The following WDR46 variants were observed in gnomAD, a reference collection of about 807,000 sequenced individuals.
The protein encoded by WDR46 is WD repeat-containing protein 46.
Under a neutral mutation model 74.7 loss-of-function variants are expected in WDR46, and 58 were observed. That is an observed-to-expected ratio of 0.78 (90% CI 0.63 to 0.97). The LOEUF is 0.97. WDR46 is among the 50% of genes least tolerant of loss of function. The probability of loss-of-function intolerance (pLI) is 0.00; values close to 1 mark genes in which losing one functional copy is unlikely to be tolerated. For synonymous variants in WDR46, 278 were observed against 297.3 expected (o/e 0.93, Z 0.67); for missense variants, 702 against 790.1 (o/e 0.89, Z 1.34).
Position 33,282,182 on chromosome 6 carries a change from G to C in WDR46, c.1116-1195C>G, listed in dbSNP as rs370556757. Among the ~76,000 whole-genome samples the C allele has an allele frequency of 3.1e-4, 47 of 152,328 alleles. 1 individual carries two copies. The highest frequency in any genetic ancestry group is 3.4e-3 in the Middle Eastern group (1 of 294). On this transcript the variant is annotated intron_variant, in intron 10 of 14. Coordinates refer to ENST00000374617, the MANE Select transcript of WDR46 (RefSeq NM_005452.6). ...CCAGCCAGGTAGGGGATGTATGTTT[G>C]CCAAGAGGCCAAGGAGTCTCTTTTT...
intron 10 of WDR46, 74 bp downstream of exon 10, chr6:33,286,721 T>C (rs1766669779): frequency 1.4e-6 from 2 of 1,421,274 alleles, no homozygotes; most frequent in Middle Eastern, 1.8e-4. Context: ...GACTCTGTGC[T>C]CCTAAAGCAC....
In WDR46 at chr6:33,289,004, G is replaced by A. The variant is rs1767002896; in HGVS notation, c.79C>T (p.Arg27Ter). Residue 27 changes from arginine (R) to a stop codon, truncating the protein, a stop_gained, in exon 2 of 15, where the codon CGA becomes TGA. Coordinates refer to ENST00000374617, the MANE Select transcript of WDR46 (RefSeq NM_005452.6). LOFTEE classifies it high-confidence loss of function. ...KLQTKRKKPR[R>*]YWEEETVPTT... is the part of the protein sequence containing the mutation. ...GGAACGGTCTCTTCCTCCCAGTATC[G>A]CCGCGGTTTCTACAGGCACATCAGG... 1 of 1,613,922 alleles carries A rather than the reference G, an allele frequency of 6.2e-7. No individual in the cohort carries two copies. Among genetic ancestry groups the A allele is most frequent in the Non-Finnish European group, 8.5e-7 (1 of 1,179,980 alleles).
At chr6:33,284,969 T>G (rs1274638037) in intron 10 of WDR46, 1 of 153,614 alleles carries the variant, frequency 6.5e-6, no homozygotes, top group African/African-American at 2.4e-5. Flanking sequence ...TCGTAAGTGC[T>G]TCACAGCATT....
At chr6:33,286,689 A>T in intron 10 of WDR46, 106 bp downstream of exon 10, 1 of 1,079,204 alleles carries the variant, frequency 9.3e-7, no homozygotes, top group Non-Finnish European at 1.4e-6. Context: ...ACTGCGATTT[A>T]AACCTGGGCA....
chr6:33,280,313 AG>A, intron 12 of WDR46, 114 bp downstream of exon 12: 3 of 1,074,552 alleles, frequency 2.8e-6, no homozygotes, highest in African/African-American at 1.6e-5. Context: ...CTTCTCCAGC[AG>A]GGGGGAACCT....
chr6:33,279,167 C>T lies in WDR46; in HGVS notation c.*109G>A, dbSNP rs1201776188. ...ACCCCAGGAGACAGCTGTCCACCCC[C>T]AGTTGGGGAAGGGGCCACACTGCCC... On this transcript the variant is annotated 3_prime_UTR_variant, in exon 15 of 15. Coordinates refer to ENST00000374617, the MANE Select transcript of WDR46 (RefSeq NM_005452.6). The T allele has an allele frequency of 1.4e-6, 2 of 1,476,842 alleles. No individual in the cohort carries two copies. Among genetic ancestry groups the T allele is most frequent in the East Asian group, 4.6e-5 (2 of 43,936 alleles). 91.5% of individuals were successfully genotyped at this position (1,476,842 alleles called of 1,614,324 possible). A position where few individuals can be genotyped will look rare whatever the true frequency, so the allele number is the denominator to read the frequency against.
chr6:33,281,772 G>A (rs144336500), intron 10 of WDR46, among the ~76,000 whole-genome samples: 22 of 152,324 alleles, frequency 1.4e-4, no homozygotes, highest in Non-Finnish European at 2.6e-4. Context: ...AAGGAGGGAA[G>A]GTTGGTGACC....
chr6:33,279,231 G>A lies in WDR46; in HGVS notation c.*45C>T. On this transcript the variant is annotated 3_prime_UTR_variant, in exon 15 of 15. Transcript: ENST00000374617. ...CCAGGGAACACTCATTTCCCTACAG[G>A]TGATCTTGGGGAGAGACTGTTCCCA... 6.2e-7 allele frequency: 1 copy of A among 1,610,800 alleles called. No individual in the cohort carries two copies. Among genetic ancestry groups the A allele is most frequent in the Non-Finnish European group, 8.5e-7 (1 of 1,177,750 alleles).
chr6:33,287,939 CAA>C, intron 6 of WDR46, 24 bp downstream of exon 6: 1 of 1,613,256 alleles, frequency 6.2e-7, no homozygotes, highest in East Asian at 2.2e-5. Flanking sequence ...CATCTTAGTT[CAA>C]GAGTCACTAG....
chr6:33,286,696 G>A (rs1244522731), intron 10 of WDR46, 99 bp downstream of exon 10: 1 of 1,129,182 alleles, frequency 8.9e-7, no homozygotes, highest in African/African-American at 1.6e-5. Context: ...TTTAAACCTG[G>A]GCATCCTGGC....
chr6:33,287,262 G>A, intron 8 of WDR46, 36 bp from the exon 9 acceptor site: 2 of 1,612,892 alleles, frequency 1.2e-6, no homozygotes, highest in South Asian at 1.1e-5. Flanking sequence ...ACCCAGTCCT[G>A]ATTGCCCTCT....
At position 33,280,863 on chromosome 6, in the gene WDR46, G is replaced by A. The variant is rs377472376; in HGVS notation, c.1240C>T (p.Leu414=). The A allele has an allele frequency of 2.6e-5, 42 of 1,614,078 alleles. No individual in the cohort carries two copies. Among genetic ancestry groups the A allele is most frequent in the African/African-American group, 2.1e-4 (16 of 74,940 alleles). ...ACGTCACCCATTCCCGCCACCAGCA[G>A]TCCCCTCTGGGAGAAGGCCAGGTGC... ...AGHLAFSQRG[L]LVAGMGDVVN... The change falls in exon 11 of 15, where the codon CTG becomes TTG. Residue 414 remains leucine, a synonymous_variant. Transcript: ENST00000374617.
Position 33,279,609 on chromosome 6 carries a change from C to A in WDR46, c.1622G>T (p.Gly541Val). ...GGGAGCCTTAGCCTGCGGGTCATAG[C>A]CCTGAGGGAGGGGACAGGAGTGATA... ...QGKKEQIERL[G>V]YDPQAKAPFQ... The change falls in exon 14 of 15, where the codon GGC becomes GTC. Residue 541 changes from glycine to valine, a missense_variant and splice_region_variant. By Grantham distance (109) the Gly-to-Val change is moderately radical. Coordinates refer to ENST00000374617, the MANE Select transcript of WDR46 (RefSeq NM_005452.6). 3 of 1,614,176 alleles carry A rather than the reference C, an allele frequency of 1.9e-6. No homozygotes were observed. Among genetic ancestry groups the A allele is most frequent in the Non-Finnish European group, 2.5e-6 (3 of 1,180,036 alleles).
chr6:33,283,434 A>T, intron 10 of WDR46, among the ~76,000 whole-genome samples: 1 of 151,636 alleles, frequency 6.6e-6, no homozygotes, highest in Admixed American at 6.6e-5. Context: ...CCATCTCTAC[A>T]AAAAATAGAA....
rs1244270891 is a variant in WDR46 at position 33,288,693 on chromosome 6, G to A, written c.281C>T (p.Thr94Ile). The change falls in exon 3 of 15, where the codon ACC becomes ATC. Residue 94 changes from threonine to isoleucine, a missense_variant and splice_region_variant. By Grantham distance (89) the Thr-to-Ile change is moderately conservative. Coordinates refer to ENST00000374617, the MANE Select transcript of WDR46 (RefSeq NM_005452.6). ...GGCGGGGCCTGGGAATGGATCTTGG[G>A]TCTAGGGGAAAGGAGGACGCAATTA... The part of the protein sequence containing the change: ...NPESQRGLSG[T>I]QDPFPGPAPV... The A allele has an allele frequency of 3.1e-6, 5 of 1,613,152 alleles. No homozygotes were observed. Among genetic ancestry groups the A allele is most frequent in the Non-Finnish European group, 4.2e-6 (5 of 1,179,418 alleles).
intron 10 of WDR46, among the ~76,000 whole-genome samples, chr6:33,281,808 G>A (rs992525697): frequency 6.6e-6 from 1 of 151,700 alleles, no homozygotes; most frequent in Non-Finnish European, 1.5e-5. Flanking sequence ...ATCATGTACT[G>A]CATAAGTTGT....
At chr6:33,287,298 G>A in intron 8 of WDR46, 57 bp downstream of exon 8, 1 of 1,612,224 alleles carries the variant, frequency 6.2e-7, no homozygotes, top group Non-Finnish European at 8.5e-7. Flanking sequence ...GGGTCCTAAA[G>A]GAGAGGTGGT....
In WDR46 at chr6:33,280,499, C is replaced by T; in HGVS notation, c.1453G>A (p.Gly485Ser). 6.2e-7 allele frequency: 1 copy of T among 1,601,998 alleles called. No homozygotes were observed. Among genetic ancestry groups the T allele is most frequent in the Non-Finnish European group, 8.5e-7 (1 of 1,173,502 alleles). ...CTTCTGTATGGATTACTCTCCAGGC[C>T]ATCGAAGTTGGGCTCACCGGCCCCT... Reference protein sequence around the residue: ...VPGAGEPNFDGLESNPYRSRK... With the variant: ...VPGAGEPNFDSLESNPYRSRK... Residue 485 changes from glycine to serine, a missense_variant, in exon 12 of 15, where the codon GGC becomes AGC. Coordinates refer to ENST00000374617, the MANE Select transcript of WDR46 (RefSeq NM_005452.6).
intron 5 of WDR46, 59 bp from the exon 6 acceptor site, chr6:33,288,085 C>G: frequency 6.2e-7 from 1 of 1,613,976 alleles, no homozygotes; most frequent in Non-Finnish European, 8.5e-7. Context: ...CTTCTAGCCC[C>G]CATTCCTCTA....
Sources: allele counts gnomAD v4.1 joint callset (sites outside exome capture counted in the v4.1 genomes callset), GRCh38; gene constraint gnomAD v4.1.1; transcripts MANE v1.5; gene names NCBI Gene and HGNC (gene_info 2026-07-23, HGNC 2026-07-21).